DLG1: variants seen among roughly 807,000 people sequenced by gnomAD.
DLG1 encodes the protein disks large homolog 1.
Under a neutral mutation model 123.4 loss-of-function variants are expected in DLG1, and 42 were observed. The ratio of observed to expected loss-of-function variants is 0.34; its 90% CI spans 0.27 to 0.44. The LOEUF is 0.44. Ranked by LOEUF, DLG1 falls within the 20% of genes least tolerant of loss-of-function variation. The pLI, the probability that DLG1 is intolerant of heterozygous loss-of-function variation, is 1.00. For synonymous variants in DLG1, 317 were observed against 356.2 expected, an observed-to-expected ratio of 0.89 and a Z score of 1.24; for missense variants, 942 against 1,082.6, an observed-to-expected ratio of 0.87 and a Z score of 1.82.
chr3:197,224,911 G>A (rs1453744000), intron 4 of DLG1, among the ~76,000 whole-genome samples: 1 of 152,096 alleles, frequency 6.6e-6, no homozygotes, highest in African/African-American at 2.4e-5. Context: ...CAAATACTAC[G>A]TTAGAGGGCT....
intron 5 of DLG1, among the ~76,000 whole-genome samples, chr3:197,173,300 A>G (rs904910686): frequency 6.6e-6 from 1 of 152,160 alleles, no homozygotes; most frequent in Non-Finnish European, 1.5e-5. Flanking sequence ...GTAGTTGATA[A>G]AGATGATGAT....
chr3:197,114,761 T>A (rs1053704298), intron 13 of DLG1, among the ~76,000 whole-genome samples: 1 of 151,956 alleles, frequency 6.6e-6, no homozygotes, highest in Non-Finnish European at 1.5e-5. Context: ...GGTGGGAGGA[T>A]CACGAGGTCA....
At chr3:197,273,894 C>G in intron 4 of DLG1, among the ~76,000 whole-genome samples, 1 of 89,768 alleles carries the variant, frequency 1.1e-5, no homozygotes, top group South Asian at 4.1e-4. Flanking sequence ...TAAATTTAAC[C>G]AAAGTAGTAA....
intron 4 of DLG1, among the ~76,000 whole-genome samples, chr3:197,240,526 AAAGC>A (rs1423332734): frequency 2.0e-5 from 3 of 152,210 alleles, no homozygotes; most frequent in African/African-American, 7.2e-5. Context: ...CCAAATGGAC[AAAGC>A]AAGGAACCAA....
rs533525741 is a variant in DLG1 at position 197,136,924 on chromosome 3, C to A, written c.884-246G>T. ...CCTTCTTAGTATCTTTTCGCAAATG[C>A]ACTTGTTATTCCAAAGTGACATTGC... On this transcript the variant is annotated intron_variant, in intron 9 of 24. Transcript: ENST00000667157. Among the ~76,000 whole-genome samples, 131 of 152,322 alleles carry A rather than the reference C, an allele frequency of 8.6e-4. 2 individuals carry two copies. Among genetic ancestry groups the A allele is most frequent in the African/African-American group, 3.0e-3 (126 of 41,570 alleles).
intron 23 of DLG1, among the ~76,000 whole-genome samples, chr3:197,054,771 T>C (rs915652783): frequency 9.2e-5 from 14 of 152,024 alleles, no homozygotes; most frequent in Admixed American, 6.6e-5. Context: ...CAGCTTTGCA[T>C]GTAGCTGGGA....
chr3:197,143,306 G>A (rs1577014526), intron 6 of DLG1, among the ~76,000 whole-genome samples: 1 of 65,982 alleles, frequency 1.5e-5, no homozygotes, highest in East Asian at 6.1e-4. Flanking sequence ...AGGCTGGAGT[G>A]CAGTGGTGGC....
chr3:197,130,239 A>C (rs1438533779), intron 11 of DLG1, among the ~76,000 whole-genome samples: 2 of 152,176 alleles, frequency 1.3e-5, no homozygotes, highest in Non-Finnish European at 2.9e-5. Flanking sequence ...AAACAATTTC[A>C]ATATTTGCAA....
At chr3:197,140,711 A>G (rs1447502046) in intron 7 of DLG1, among the ~76,000 whole-genome samples, 6 of 152,194 alleles carry the variant, frequency 3.9e-5, no homozygotes, top group Admixed American at 3.9e-4. Flanking sequence ...CCTTTAAAAA[A>G]GGGGGTGGCG....
intron 18 of DLG1, chr3:197,075,707 C>A (rs1228720487): frequency 3.2e-6 from 2 of 631,630 alleles, no homozygotes; most frequent in Non-Finnish European, 5.2e-6. Flanking sequence ...CATGAAAATT[C>A]TAAAAGCAAT....
At chr3:197,052,988 CTT>C (rs1321281212) in intron 23 of DLG1, among the ~76,000 whole-genome samples, 1 of 152,160 alleles carries the variant, frequency 6.6e-6, no homozygotes, top group African/African-American at 2.4e-5. Flanking sequence ...TAATCAGTGA[CTT>C]TTTGTAAGAA....
At chr3:197,055,214 G>T (rs1215533033) in intron 23 of DLG1, among the ~76,000 whole-genome samples, 1 of 152,204 alleles carries the variant, frequency 6.6e-6, no homozygotes, top group Non-Finnish European at 1.5e-5. Flanking sequence ...AGCCTTCTAA[G>T]TGCCAGGATT....
intron 4 of DLG1, among the ~76,000 whole-genome samples, chr3:197,275,976 TACC>T (rs1560116525): frequency 1.3e-5 from 2 of 152,220 alleles, no homozygotes; most frequent in Non-Finnish European, 2.9e-5. Flanking sequence ...TGTATCAAAA[TACC>T]ACAAGCACCA....
intron 5 of DLG1, among the ~76,000 whole-genome samples, chr3:197,177,618 C>A (rs114152314): frequency 0.012 from 1,850 of 152,074 alleles, 29 homozygotes; most frequent in African/African-American, 0.042. Flanking sequence ...TGGGAATAGT[C>A]AGAAAATAAA....
chr3:197,289,531 CA>C (rs1470048324), intron 3 of DLG1, among the ~76,000 whole-genome samples: 5 of 152,086 alleles, frequency 3.3e-5, no homozygotes, highest in African/African-American at 7.2e-5. Context: ...ACAGGAAAGG[CA>C]ACTAGAAAGC....
intron 6 of DLG1, among the ~76,000 whole-genome samples, chr3:197,143,245 C>A (rs1577013355): frequency 7.0e-6 from 1 of 142,330 alleles, no homozygotes; most frequent in East Asian, 2.4e-4. Context: ...TTTTAAACAG[C>A]TGGATCTTTT....
At chr3:197,261,076 C>T (rs1759218675) in intron 4 of DLG1, among the ~76,000 whole-genome samples, 1 of 152,112 alleles carries the variant, frequency 6.6e-6, no homozygotes, top group Non-Finnish European at 1.5e-5. Flanking sequence ...AAAACCACCA[C>T]AAAAAGATAG....
chr3:197,272,548 C>T (rs980400617), intron 4 of DLG1, among the ~76,000 whole-genome samples: 4 of 152,052 alleles, frequency 2.6e-5, no homozygotes, highest in African/African-American at 9.7e-5. Context: ...TTACAGCAGA[C>T]CTGAATGTAA....
intron 3 of DLG1, among the ~76,000 whole-genome samples, chr3:197,289,380 A>G (rs1212437342): frequency 1.3e-5 from 2 of 151,584 alleles, no homozygotes; most frequent in Non-Finnish European, 2.9e-5. Context: ...ATAACATTCC[A>G]GGATATTCAT....
Sources: allele counts gnomAD v4.1 joint callset (sites outside exome capture counted in the v4.1 genomes callset), GRCh38; gene constraint gnomAD v4.1.1; transcripts MANE v1.5; gene names NCBI Gene and HGNC (gene_info 2026-07-23, HGNC 2026-07-21).